Variants in POU2F2 observed in about 807,000 individuals in gnomAD.
POU2F2 encodes the protein POU domain, class 2, transcription factor 2.
Under a neutral mutation model 63.5 loss-of-function variants are expected in POU2F2, and 14 were observed. The ratio of observed to expected loss-of-function variants is 0.22; its 90% confidence interval spans 0.15 to 0.34. The LOEUF is 0.34. Ranked by LOEUF, POU2F2 falls within the 10% of genes least tolerant of loss-of-function variation. The pLI, the probability that POU2F2 is intolerant of heterozygous loss-of-function variation, is 1.00. For missense variants in POU2F2, 607 were observed against 815.2 expected (o/e 0.74, Z 3.11); for synonymous variants, 306 against 348.6 (o/e 0.88, Z 1.36).
chr19:42,185,600 A>G (rs1010179532), intron 1 of POU2F2, among the ~76,000 whole-genome samples: 1 of 152,046 alleles, frequency 6.6e-6, no homozygotes, highest in Admixed American at 6.6e-5. Context: ...GTTCCCTATA[A>G]CTGGAATGCC....
rs568085702 is a variant in POU2F2, at chr19:42,086,866, A to G, written c.*4391T>C. 2.0e-5 allele frequency: 3 copies of G among 152,310 alleles called. No homozygotes were observed. Among genetic ancestry groups the G allele is most frequent in the African/African-American group, 7.2e-5 (3 of 41,548 alleles). 9.4% of individuals were successfully genotyped at this position (152,310 alleles called of 1,614,324 possible). On this transcript the variant is annotated 3_prime_UTR_variant, in exon 15 of 15. Transcript: ENST00000692977. ...ACAGACATAGTAAATAGTTGTCTCC[A>G]TCCCAGCAACACTTCTCTCTGGATT...
At chr19:42,186,116 T>C (rs1428737733) in intron 1 of POU2F2, among the ~76,000 whole-genome samples, 1 of 151,848 alleles carries the variant, frequency 6.6e-6, no homozygotes, top group Non-Finnish European at 1.5e-5. Flanking sequence ...GTCAGGAGAT[T>C]GAGACCATCC....
At chr19:42,130,595 AC>A (rs2146710668) in intron 1 of POU2F2, among the ~76,000 whole-genome samples, 1 of 152,086 alleles carries the variant, frequency 6.6e-6, no homozygotes, top group African/African-American at 2.4e-5. Flanking sequence ...GGGAGCAGAC[AC>A]CCTGGATCTC....
chr19:42,124,457 A>G (rs1214962427), intron 1 of POU2F2, among the ~76,000 whole-genome samples: 2 of 152,148 alleles, frequency 1.3e-5, no homozygotes, highest in Admixed American at 1.3e-4. Flanking sequence ...TAAATTCCTA[A>G]TTAAAAAAAC....
intron 5 of POU2F2, among the ~76,000 whole-genome samples, chr19:42,115,867 A>G (rs2031782674): frequency 6.6e-6 from 1 of 152,244 alleles, no homozygotes; most frequent in Non-Finnish European, 1.5e-5. Context: ...TAAACTAATG[A>G]CTAGTGTCCC....
chr19:42,197,440 C>T (rs2146835757), upstream of POU2F2, among the ~76,000 whole-genome samples: 1 of 152,308 alleles, frequency 6.6e-6, no homozygotes, highest in South Asian at 2.1e-4. Context: ...CACGACTAGA[C>T]TTTGCCACTC....
chr19:42,132,249 A>G, intron 1 of POU2F2, 135 bp downstream of exon 1: 1 of 976,746 alleles, frequency 1.0e-6, no homozygotes, highest in South Asian at 1.6e-5. Flanking sequence ...CCGGCATGGG[A>G]GAGAGGGAGT....
Position 42,096,315 on chromosome 19 carries a change from C to T in POU2F2, c.568-72G>A, listed in dbSNP as rs1568981040. On this transcript the variant is annotated intron_variant, in intron 7 of 14. Coordinates refer to ENST00000692977, the MANE Select transcript of POU2F2 (RefSeq NM_001394376.1). This position sits in a 1 kb window ranked among gnomAD's most constrained non-coding sequence, Gnocchi z 4.1. Reference sequence around the variant, plus strand: ...TGGGGCTCAGCGATGGGTGCACAGTCCCCCTCCCGCCCTCTTCGCCCCTGC... The same window carrying T: ...TGGGGCTCAGCGATGGGTGCACAGTTCCCCTCCCGCCCTCTTCGCCCCTGC... The T allele has an allele frequency of 7.2e-7, 1 of 1,383,288 alleles. No homozygotes were observed. Among genetic ancestry groups the T allele is most frequent in the Non-Finnish European group, 9.6e-7 (1 of 1,043,596 alleles). The allele number at this position is 1,383,288 out of a possible 1,614,324, so 85.7% of individuals were successfully genotyped here.
intron 2 of POU2F2, among the ~76,000 whole-genome samples, chr19:42,147,579 A>T (rs2034257605): frequency 6.6e-6 from 1 of 152,234 alleles, no homozygotes; most frequent in Non-Finnish European, 1.5e-5. Context: ...CTGGGCACAT[A>T]GTGGGTGCTC....
Position 42,099,632 on chromosome 19 carries a change from G to A in POU2F2, c.476-14C>T. On this transcript the variant is annotated splice_polypyrimidine_tract_variant and intron_variant, in intron 6 of 14. Coordinates refer to ENST00000692977, the MANE Select transcript of POU2F2 (RefSeq NM_001394376.1). ...TCGGTAGCAGGCCTGGAAAGACAAG[G>A]GGAAATACACAGGGTGAGGGGGAGG... The A allele has an allele frequency of 6.2e-7, 1 of 1,610,798 alleles. No individual in the cohort carries two copies. Among genetic ancestry groups the A allele is most frequent in the Non-Finnish European group, 8.5e-7 (1 of 1,177,080 alleles).
At chr19:42,136,263 C>T (rs1316791035), upstream of POU2F2, among the ~76,000 whole-genome samples, 1 of 149,732 alleles carries the variant, frequency 6.7e-6, no homozygotes, top group Admixed American at 6.7e-5. Flanking sequence ...TGGCTCACTG[C>T]AAACTCTGCC....
At chr19:42,126,798 C>G (rs1437590802) in intron 1 of POU2F2, among the ~76,000 whole-genome samples, 1 of 152,232 alleles carries the variant, frequency 6.6e-6, no homozygotes, top group African/African-American at 2.4e-5. Flanking sequence ...TGACTCATCA[C>G]TGGGTCCCCA....
chr19:42,132,245 TG>T, intron 1 of POU2F2, 138 bp downstream of exon 1: 1 of 936,030 alleles, frequency 1.1e-6, no homozygotes, highest in Non-Finnish European at 1.6e-6. Flanking sequence ...GGACCCGGCA[TG>T]GGAGAGAGGG....
chr19:42,174,275 TTTGATGTGCACCC>T (rs1382534393), intron 1 of POU2F2, among the ~76,000 whole-genome samples: 1 of 152,198 alleles, frequency 6.6e-6, no homozygotes, highest in African/African-American at 2.4e-5. Context: ...TGTGACTTTT[TTTGATGTGCACCC>T]TTGTGTGCAC....
intron 1 of POU2F2, among the ~76,000 whole-genome samples, chr19:42,191,895 C>A (rs1301576798): frequency 6.6e-6 from 1 of 152,108 alleles, no homozygotes; most frequent in East Asian, 1.9e-4. Flanking sequence ...AATGTGTCAC[C>A]CAGGCAAGTG....
intron 1 of POU2F2, among the ~76,000 whole-genome samples, chr19:42,172,198 A>T (rs985707459): frequency 1.3e-5 from 2 of 152,122 alleles, no homozygotes; most frequent in African/African-American, 4.8e-5. Context: ...CCCTGTCTAA[A>T]CCCACACCAT....
intron 1 of POU2F2, among the ~76,000 whole-genome samples, chr19:42,170,381 G>A (rs2034737392): frequency 6.7e-6 from 1 of 149,044 alleles, no homozygotes; most frequent in African/African-American, 2.5e-5. Context: ...TCAGAGTGCA[G>A]AGCCAGACCC....
chr19:42,142,627 G>A (rs1015876270), intron 2 of POU2F2, among the ~76,000 whole-genome samples: 28 of 152,076 alleles, frequency 1.8e-4, no homozygotes, highest in African/African-American at 6.3e-4. Context: ...GTACAGTGGT[G>A]CAATCTCAGC....
chr19:42,171,431 CGTGTGTGTGTGTGT>C (rs71336804), intron 1 of POU2F2, among the ~76,000 whole-genome samples: 39 of 138,540 alleles, frequency 2.8e-4, no homozygotes, highest in Admixed American at 2.5e-3. Flanking sequence ...GGCTGCGCTT[CGTGTGTGTGTGTGT>C]GTGTGTGTGT....
Sources: allele counts gnomAD v4.1 joint callset (sites outside exome capture counted in the v4.1 genomes callset), GRCh38; gene constraint gnomAD v4.1.1; non-coding constraint Gnocchi (gnomAD v3.1); transcripts MANE v1.5; gene names NCBI Gene and HGNC (gene_info 2026-07-23, HGNC 2026-07-21).